The following NKPD1 variants were observed in gnomAD, a reference collection of about 807,000 sequenced individuals.
The protein encoded by NKPD1 is NTPase KAP family P-loop domain containing 1.
In NKPD1, 37 loss-of-function variants were observed where a neutral mutation model predicts 42.2. The ratio of observed to expected loss-of-function variants is 0.88; its 90% CI spans 0.67 to 1.15. NKPD1 has a LOEUF of 1.15. Among genes scored for constraint, NKPD1 ranks in the 50% most tolerant of loss-of-function variants. The pLI is 0.00. For missense variants in NKPD1, 1,113 were observed against 1,174.6 expected (o/e 0.95, Z 0.77); for synonymous variants, 552 against 536.5 (o/e 1.03, Z -0.40).
At position 45,153,686 on chromosome 19, in the gene NKPD1, G is replaced by A. The variant is rs760734283; in HGVS notation, c.751C>T (p.Pro251Ser). ...AACACCAGGTACCACAGTAGCTGCGGGACGCCCCAGCCGCTCACGGCACGC... is the reference window on the plus strand; with the variant it reads ...AACACCAGGTACCACAGTAGCTGCGAGACGCCCCAGCCGCTCACGGCACGC... ...RPRAVSGWGV[P>S]QLLWYLVFLQ... Residue 251 changes from proline (P) to serine (S), a missense_variant, in exon 5 of 5, where the codon CCG (proline) becomes TCG (serine). This residue lies in a region of NKPD1 where 867 missense variants were observed against 870.1 expected (regional missense o/e 1.00). Coordinates refer to ENST00000686631, the MANE Select transcript of NKPD1 (RefSeq NM_198478.4). The A allele has an allele frequency of 5.7e-5, 88 of 1,551,836 alleles. No homozygotes were observed. Among genetic ancestry groups the A allele is most frequent in the Non-Finnish European group, 3.3e-5 (38 of 1,147,788 alleles).
At chr19:45,156,842 G>GA (rs1471941683) in intron 3 of NKPD1, among the ~76,000 whole-genome samples, 2 of 152,216 alleles carry the variant, frequency 1.3e-5, no homozygotes, top group African/African-American at 4.8e-5. Context: ...TAGGAAACGG[G>GA]CCACACCTGG....
chr19:45,153,296 C>T lies in NKPD1; in HGVS notation c.1141G>A (p.Gly381Ser), dbSNP rs1484069987. 2.5e-6 allele frequency: 4 copies of T among 1,589,630 alleles called. No homozygotes were observed. In the East Asian group the frequency reaches 9.2e-5, roughly 36 times the overall value. ...SPSGSLLKVF[G>S]GAATTLSGSG... ...CCCGACAGTGTGGTGGCCGCGCCGC[C>T]AAACACCTTGAGCAGGCTGCCGCTC... The change falls in exon 5 of 5, where the codon GGC becomes AGC. Residue 381 changes from glycine (G) to serine (S), a missense_variant. By Grantham distance (56) the Gly-to-Ser change is moderately conservative (BLOSUM62 0). Transcript: ENST00000686631.
Position 45,153,126 on chromosome 19 carries a change from G to A in NKPD1, c.1311C>T (p.Leu437=). ...TCTCCAGGAAGCACAGGAAGTCGGTGAGCAGCTCCACCTCCTTCTTCACCT... is the reference window on the plus strand; with the variant it reads ...TCTCCAGGAAGCACAGGAAGTCGGTAAGCAGCTCCACCTCCTTCTTCACCT... ...MCEVKKEVEL[L]TDFLCFLEIY... is the part of the protein sequence containing the mutation. Residue 437 remains leucine, a synonymous_variant, in exon 5 of 5, where the codon CTC becomes CTT. Transcript: ENST00000686631. 1 of 1,576,130 alleles carries A rather than the reference G, an allele frequency of 6.3e-7. No individual in the cohort carries two copies. The highest frequency in any genetic ancestry group is 8.6e-7 in the Non-Finnish European group (1 of 1,161,696).
chr19:45,159,008 G>T lies in NKPD1; in HGVS notation c.184C>A (p.His62Asn). Residue 62 changes from histidine (H) to asparagine (N), a missense_variant, in exon 3 of 5, where the codon CAC becomes AAC. This residue lies in a region of NKPD1 where 204 missense variants were observed against 227.8 expected (regional missense o/e 0.90). Transcript: ENST00000686631. ...SPQSHWQLAYHSHQVGGSGWR... is the reference protein window; with the variant it reads ...SPQSHWQLAYNSHQVGGSGWR... ...CCACTGCCACCCACTTGGTGGCTGT[G>T]GTAGGCCAGCTGCCAGTGTGATTGG... is the stretch of plus-strand genomic sequence containing the variant. The T allele has an allele frequency of 1.5e-6, 2 of 1,301,870 alleles. No individual in the cohort carries two copies. The highest frequency in any genetic ancestry group is 1.0e-6 in the Non-Finnish European group (1 of 988,328). The allele number at this position is 1,301,870 out of a possible 1,614,324, so 80.6% of individuals were successfully genotyped here. A position where few individuals can be genotyped will look rare whatever the true frequency, so the allele number is the denominator to read the frequency against.
Position 45,153,390 on chromosome 19 carries a change from CGCCAGCA to C in NKPD1, c.1040_1046del (p.Leu347ArgfsTer57). 6.4e-7 allele frequency: 1 copy of C among 1,554,046 alleles called. No individual in the cohort carries two copies. The highest frequency in any genetic ancestry group is 8.7e-7 in the Non-Finnish European group (1 of 1,153,262). ...GCAGCCCCACACCCAGGCCCAGCGC[CGCCAGCA>C]GCGCCAGCAGCCCCAGGCACACGCG... On this transcript the variant is annotated frameshift_variant, in exon 5 of 5. Coordinates refer to ENST00000686631, the MANE Select transcript of NKPD1 (RefSeq NM_198478.4). LOFTEE classifies it high-confidence loss of function.
intron 2 of NKPD1, among the ~76,000 whole-genome samples, chr19:45,159,797 A>T (rs1400880885): frequency 2.0e-5 from 3 of 152,110 alleles, no homozygotes; most frequent in African/African-American, 7.2e-5. Flanking sequence ...GGCCATCCAC[A>T]CAGGCCTCAG....
intron 3 of NKPD1, among the ~76,000 whole-genome samples, chr19:45,157,982 C>T (rs1368104227): frequency 1.3e-5 from 2 of 151,658 alleles, no homozygotes; most frequent in Admixed American, 1.3e-4. Flanking sequence ...GCTTCAGCCT[C>T]CCAAAGTGCT....
chr19:45,153,227 A>G lies in NKPD1; in HGVS notation c.1210T>C (p.Phe404Leu). ...TCGATCTTCTTGCGCTGGCTTACGA[A>G]CAGGTGCTTGCCCACCGAGTACACG... ...MAVYSVGKHL[F>L]VSQRKKIERL... Residue 404 changes from phenylalanine to leucine, a missense_variant, in exon 5 of 5, where the codon TTC (phenylalanine) becomes CTC (leucine). Physicochemically the swap from Phe to Leu is conservative, Grantham distance 22. Transcript: ENST00000686631. The G allele has an allele frequency of 6.2e-7, 1 of 1,600,176 alleles. No individual in the cohort carries two copies. Among genetic ancestry groups the G allele is most frequent in the Non-Finnish European group, 8.5e-7 (1 of 1,174,298 alleles).
chr19:45,159,139 C>G (rs1273535188), intron 2 of NKPD1, 39 bp from the exon 3 acceptor site: 2 of 1,247,830 alleles, frequency 1.6e-6, no homozygotes, highest in Non-Finnish European at 2.1e-6. Context: ...GCCTGTGTCC[C>G]CGACCCCCGG....
Position 45,153,232 on chromosome 19 carries a change from T to G in NKPD1, c.1205A>C (p.His402Pro). 2 of 1,600,088 alleles carry G rather than the reference T, an allele frequency of 1.2e-6. No homozygotes were observed. The highest frequency in any genetic ancestry group is 1.3e-5 in the African/African-American group (1 of 74,720). ...LLMAVYSVGK[H>P]LFVSQRKKIE... The stretch of plus-strand genomic sequence containing the variant: ...CTTCTTGCGCTGGCTTACGAACAGG[T>G]GCTTGCCCACCGAGTACACGGCCAT... The change falls in exon 5 of 5, where the codon CAC becomes CCC. Residue 402 changes from histidine (H) to proline (P), a missense_variant. By Grantham distance (77) the His-to-Pro change is moderately conservative. Around this residue, in one of 3 missense-constraint regions of NKPD1, gnomAD observed 867 missense variants for 870.1 expected, o/e 1.00. Coordinates refer to ENST00000686631, the MANE Select transcript of NKPD1 (RefSeq NM_198478.4).
At chr19:45,157,158 G>A (rs1050703239) in intron 3 of NKPD1, among the ~76,000 whole-genome samples, 8 of 152,144 alleles carry the variant, frequency 5.3e-5, no homozygotes, top group African/African-American at 1.9e-4. Flanking sequence ...TGCTCCCTCG[G>A]CCACCTGCTT....
At chr19:45,159,542 G>A (rs1305580415) in intron 2 of NKPD1, among the ~76,000 whole-genome samples, 1 of 152,076 alleles carries the variant, frequency 6.6e-6, no homozygotes, top group African/African-American at 2.4e-5. Flanking sequence ...GGTGGGGGGT[G>A]GACCTTGTCC....
Position 45,155,758 on chromosome 19 carries a change from C to A in NKPD1, c.661+27G>T, listed in dbSNP as rs368517239. On this transcript the variant is annotated intron_variant, in intron 4 of 4. Transcript: ENST00000686631. ...CCAGAGGCCCTGTTTCTCATCCTCC[C>A]CCCAACAAACACACACAGCTCCTCA... is the stretch of plus-strand genomic sequence containing the variant. 786 of 1,286,580 alleles carry A rather than the reference C, an allele frequency of 6.1e-4. 4 individuals are homozygous for A. The African/African-American group carries it at 0.011, about 17-fold the overall frequency. 79.7% of individuals were successfully genotyped at this position (1,286,580 alleles called of 1,614,324 possible). A position where few individuals can be genotyped will look rare whatever the true frequency, so the allele number is the denominator to read the frequency against.
Position 45,160,450 on chromosome 19 carries a change from G to A in NKPD1, c.-71-229C>T, listed in dbSNP as rs558512348. ...TTAATTTGAGGCTGGGTGTTGGGAAGCTCCTGGGAGTTTCCAAGAGGCTAG... is the reference window on the plus strand; with the variant it reads ...TTAATTTGAGGCTGGGTGTTGGGAAACTCCTGGGAGTTTCCAAGAGGCTAG... On this transcript the variant is annotated intron_variant, in intron 1 of 4. Transcript: ENST00000686631. Among the ~76,000 whole-genome samples the A allele has an allele frequency of 2.0e-5, 3 of 152,262 alleles. No homozygotes were observed. The East Asian group carries it at 5.8e-4, about 29-fold the overall frequency.
In NKPD1 at chr19:45,153,074, C is replaced by T. The variant is rs1175741861; in HGVS notation, c.1363G>A (p.Val455Met). ...GTGTCCAGCCCGGTGACCTCCAGCA[C>T]CACGCGCAGCCTGCGCCGCTGGTAG... is the stretch of plus-strand genomic sequence containing the variant. ...EIYQRRRLRV[V>M]LEVTGLDTCY... The change falls in exon 5 of 5, where the codon GTG becomes ATG. Residue 455 changes from valine (V) to methionine (M), a missense_variant. Physicochemically the swap from Val to Met is conservative, Grantham distance 21. Transcript: ENST00000686631. 3.2e-6 allele frequency: 5 copies of T among 1,577,882 alleles called. No homozygotes were observed. Among genetic ancestry groups the T allele is most frequent in the Non-Finnish European group, 4.3e-6 (5 of 1,162,402 alleles).
At chr19:45,160,480 C>T (rs1011215628) in intron 1 of NKPD1, among the ~76,000 whole-genome samples, 1 of 152,016 alleles carries the variant, frequency 6.6e-6, no homozygotes, top group Non-Finnish European at 1.5e-5. Context: ...GGCTAGGACA[C>T]TGGGGAGTGC....
In NKPD1 at chr19:45,153,727, T is replaced by A; in HGVS notation, c.710A>T (p.His237Leu). ...AAQRESEELQ[H>L]VQWRPRAVSG... ...CACGGCACGCGGCCGCCACTGCACGTGCTGCAGCTCCTCGCTCTCGCGCTG... is the reference window on the plus strand; with the variant it reads ...CACGGCACGCGGCCGCCACTGCACGAGCTGCAGCTCCTCGCTCTCGCGCTG... The change falls in exon 5 of 5, where the codon CAC (histidine) becomes CTC (leucine). Residue 237 changes from histidine to leucine, a missense_variant. Around this residue, in one of 3 missense-constraint regions of NKPD1, gnomAD observed 867 missense variants for 870.1 expected, o/e 1.00. Coordinates refer to ENST00000686631, the MANE Select transcript of NKPD1 (RefSeq NM_198478.4). The A allele has an allele frequency of 6.6e-7, 1 of 1,523,324 alleles. No individual in the cohort carries two copies. Among genetic ancestry groups the A allele is most frequent in the Non-Finnish European group, 8.9e-7 (1 of 1,128,554 alleles). 94.4% of individuals were successfully genotyped at this position (1,523,324 alleles called of 1,614,324 possible).
Position 45,152,790 on chromosome 19 carries a change from G to A in NKPD1, c.1647C>T (p.Asp549=), listed in dbSNP as rs973692686. ...QFLHDAVQSR[D]DLLYREMTRK... The stretch of plus-strand genomic sequence containing the variant: ...GCGTCATCTCGCGGTACAACAGGTC[G>A]TCGCGGCTCTGCACCGCATCGTGCA... Residue 549 remains aspartate, a synonymous_variant, in exon 5 of 5, where the codon GAC becomes GAT. Coordinates refer to ENST00000686631, the MANE Select transcript of NKPD1 (RefSeq NM_198478.4). 2.5e-6 allele frequency: 4 copies of A among 1,602,428 alleles called. No homozygotes were observed. Among genetic ancestry groups the A allele is most frequent in the African/African-American group, 2.7e-5 (2 of 74,752 alleles).
In NKPD1 at chr19:45,153,740, C is replaced by T. The variant is rs1045285830; in HGVS notation, c.697G>A (p.Glu233Lys). ...MQQEAAQRESEELQHVQWRPR... is the reference protein window; with the variant it reads ...MQQEAAQRESKELQHVQWRPR... ...CGCCACTGCACGTGCTGCAGCTCCT[C>T]GCTCTCGCGCTGCGCGGCCTCCTGC... The change falls in exon 5 of 5, where the codon GAG becomes AAG. Residue 233 changes from glutamate (E) to lysine (K), a missense_variant. Glu to Lys is a moderately conservative substitution (Grantham distance 56). This residue lies in a region of NKPD1 where 867 missense variants were observed against 870.1 expected (regional missense o/e 1.00). Transcript: ENST00000686631. 1.3e-6 allele frequency: 2 copies of T among 1,508,030 alleles called. No homozygotes were observed. Among genetic ancestry groups the T allele is most frequent in the Admixed American group, 2.0e-5 (1 of 49,590 alleles). The allele number at this position is 1,508,030 out of a possible 1,614,324, so 93.4% of individuals were successfully genotyped here.
Sources: allele counts gnomAD v4.1 joint callset (sites outside exome capture counted in the v4.1 genomes callset), GRCh38; gene constraint gnomAD v4.1.1; regional missense constraint gnomAD v4.1.1; transcripts MANE v1.5; gene names NCBI Gene and HGNC (gene_info 2026-07-23, HGNC 2026-07-21).